The following MB21D2 variants were observed in gnomAD, a reference collection of about 807,000 sequenced individuals.
MB21D2 encodes Mab-21 domain containing 2.
In MB21D2, 9 loss-of-function variants were observed where a neutral mutation model predicts 33.3. The ratio of observed to expected loss-of-function variants is 0.27; its 90% CI spans 0.16 to 0.47. MB21D2 has a LOEUF of 0.47. MB21D2 is among the 20% of genes least tolerant of loss of function. The pLI, the probability that MB21D2 is intolerant of heterozygous loss-of-function variation, is 0.99. For synonymous variants in MB21D2, 241 were observed against 236.3 expected, an observed-to-expected ratio of 1.02 and a Z score of -0.18; for missense variants, 540 against 624.6, an observed-to-expected ratio of 0.86 and a Z score of 1.44.
chr3:192,815,411 T>C (rs1711899346), intron 1 of MB21D2, among the ~76,000 whole-genome samples: 1 of 152,186 alleles, frequency 6.6e-6, no homozygotes, highest in Non-Finnish European at 1.5e-5. Context: ...CAGGTTCCCA[T>C]GTCTCACCCC....
intron 1 of MB21D2, among the ~76,000 whole-genome samples, chr3:192,805,800 T>C (rs1318540414): frequency 1.3e-5 from 2 of 152,222 alleles, no homozygotes; most frequent in Non-Finnish European, 2.9e-5. Flanking sequence ...TGCTATGAAG[T>C]GTCTAAGCGC....
At chr3:192,852,554 G>T (rs1420211415) in intron 1 of MB21D2, among the ~76,000 whole-genome samples, 1 of 152,018 alleles carries the variant, frequency 6.6e-6, no homozygotes, top group Non-Finnish European at 1.5e-5. Context: ...CCTCAAACAA[G>T]GAAAACAGTC....
At chr3:192,815,486 T>C (rs2108614056) in intron 1 of MB21D2, among the ~76,000 whole-genome samples, 1 of 152,314 alleles carries the variant, frequency 6.6e-6, no homozygotes, top group East Asian at 1.9e-4. Context: ...CTTTTAAAAA[T>C]TGAGTCTGCC....
chr3:192,848,341 G>A (rs1358231224), intron 1 of MB21D2, among the ~76,000 whole-genome samples: 2 of 152,200 alleles, frequency 1.3e-5, no homozygotes, highest in East Asian at 3.8e-4. Context: ...GGGGAGGGAA[G>A]AAAGGAGTAC....
chr3:192,848,052 G>C (rs1393018747), intron 1 of MB21D2, among the ~76,000 whole-genome samples: 2 of 152,186 alleles, frequency 1.3e-5, no homozygotes, highest in South Asian at 2.1e-4. Flanking sequence ...TTTCGGCCAA[G>C]AAGTGTTCTT....
rs751495229 is a variant in MB21D2 at position 192,797,928 on chromosome 3, A to G, written c.*458T>C. 6.5e-6 allele frequency: 1 copy of G among 154,182 alleles called. No individual in the cohort carries two copies. Among genetic ancestry groups the G allele is most frequent in the Non-Finnish European group, 1.4e-5 (1 of 69,038 alleles). 9.6% of individuals were successfully genotyped at this position (154,182 alleles called of 1,614,324 possible). A position where few individuals can be genotyped will look rare whatever the true frequency, so the allele number is the denominator to read the frequency against. On this transcript the variant is annotated 3_prime_UTR_variant, in exon 2 of 2. Coordinates refer to ENST00000392452, the MANE Select transcript of MB21D2 (RefSeq NM_178496.4). ...AACATGCCAAGTAGTTCCCAGGTTC[A>G]TATGATTCTCAAATATCAGTAGTGG...
intron 1 of MB21D2, among the ~76,000 whole-genome samples, chr3:192,828,993 A>G (rs1712254727): frequency 6.6e-6 from 1 of 152,044 alleles, no homozygotes; most frequent in Non-Finnish European, 1.5e-5. Context: ...AGTTTGGCAA[A>G]GGTATAAAGT....
intron 1 of MB21D2, among the ~76,000 whole-genome samples, chr3:192,870,281 C>A (rs1713262832): frequency 6.6e-6 from 1 of 152,152 alleles, no homozygotes; most frequent in African/African-American, 2.4e-5. Flanking sequence ...CTCAGCTTCT[C>A]ATCTGTAAAA....
intron 1 of MB21D2, among the ~76,000 whole-genome samples, chr3:192,891,306 GCAGGCAGCC>G (rs1345109312): frequency 6.6e-6 from 1 of 152,174 alleles, no homozygotes; most frequent in East Asian, 1.9e-4. Flanking sequence ...AATTCAGACT[GCAGGCAGCC>G]GATTCATAAC....
At position 192,901,293 on chromosome 3, in the gene MB21D2, G is replaced by T. The variant is rs116835620; in HGVS notation, c.211+16337C>A. On this transcript the variant is annotated intron_variant, in intron 1 of 1. Coordinates refer to ENST00000392452, the MANE Select transcript of MB21D2 (RefSeq NM_178496.4). Reference sequence around the variant, plus strand: ...TCCTGTTGAGACTTTATTGCGGCCGGGAGCGGTGGCTCATGCCTTCAATCC... The same window carrying T: ...TCCTGTTGAGACTTTATTGCGGCCGTGAGCGGTGGCTCATGCCTTCAATCC... Among the ~76,000 whole-genome samples the T allele has an allele frequency of 4.7e-3, 708 of 151,682 alleles. 8 individuals are homozygous for T. The highest frequency in any genetic ancestry group is 0.016 in the African/African-American group (666 of 41,344).
intron 1 of MB21D2, among the ~76,000 whole-genome samples, chr3:192,908,734 A>T (rs904692606): frequency 1.2e-4 from 18 of 151,730 alleles, no homozygotes; most frequent in Non-Finnish European, 2.5e-4. Context: ...TCTTCTTCTC[A>T]AAGACATATA....
intron 1 of MB21D2, among the ~76,000 whole-genome samples, chr3:192,826,162 C>CT (rs34583613): frequency 2.0e-5 from 3 of 152,208 alleles, no homozygotes; most frequent in Non-Finnish European, 2.9e-5. Context: ...ACACTATGTG[C>CT]TTTTTTCTCC....
In MB21D2 at chr3:192,866,784, GA is replaced by G. The variant is rs1327637054; in HGVS notation, c.211+50845del. ...AGGTAAAAGATAACTTAGGAGAGAA[GA>G]AAGTTCCCATCTTTAGAAGAGGAGA... On this transcript the variant is annotated intron_variant, in intron 1 of 1. Coordinates refer to ENST00000392452, the MANE Select transcript of MB21D2 (RefSeq NM_178496.4). Among the ~76,000 whole-genome samples, 125 of 152,294 alleles carry G rather than the reference GA, an allele frequency of 8.2e-4. 3 individuals are homozygous for G. Among genetic ancestry groups the G allele is most frequent in the Non-Finnish European group, 3.4e-4 (23 of 68,018 alleles).
chr3:192,862,638 C>CA (rs1713073129), intron 1 of MB21D2, among the ~76,000 whole-genome samples: 1 of 152,116 alleles, frequency 6.6e-6, no homozygotes, highest in African/African-American at 2.4e-5. Context: ...CTGTGAGTAA[C>CA]AGAGTCTTTG....
At chr3:192,826,700 C>G (rs151210364) in intron 1 of MB21D2, among the ~76,000 whole-genome samples, 1 of 152,276 alleles carries the variant, frequency 6.6e-6, no homozygotes, top group African/African-American at 2.4e-5. Flanking sequence ...AGAATGCCCT[C>G]AGAGAGAATC....
intron 1 of MB21D2, among the ~76,000 whole-genome samples, chr3:192,875,470 G>C (rs1273840934): frequency 6.6e-6 from 1 of 152,090 alleles, no homozygotes; most frequent in Non-Finnish European, 1.5e-5. Context: ...AATTTTTCTT[G>C]TTGTTGTTGT....
At chr3:192,869,071 C>T (rs1713230455) in intron 1 of MB21D2, among the ~76,000 whole-genome samples, 1 of 152,054 alleles carries the variant, frequency 6.6e-6, no homozygotes, top group Non-Finnish European at 1.5e-5. Flanking sequence ...GCCTGGCCAA[C>T]ATGGTAAAAC....
At chr3:192,890,120 C>T (rs1200827963) in intron 1 of MB21D2, among the ~76,000 whole-genome samples, 1 of 152,062 alleles carries the variant, frequency 6.6e-6, no homozygotes, top group African/African-American at 2.4e-5. Flanking sequence ...TGACATCCTT[C>T]TGGTGTTTCT....
At position 192,798,580 on chromosome 3, in the gene MB21D2, G is replaced by A; in HGVS notation, c.1282C>T (p.Leu428Phe). Residue 428 changes from leucine (L) to phenylalanine (F), a missense_variant, in exon 2 of 2, where the codon CTC becomes TTC. Transcript: ENST00000392452. The surrounding 1 kb of genome is among the most constrained non-coding windows in gnomAD (Gnocchi z 4.8). ...CTGGTGGTGCTACCTCGCCTCTGGA[G>A]CTCCAGTGTCAGCCGGTTGGCTGCC... ...VKAANRLTLELQRRGSTTSIP... is the reference protein window; with the variant it reads ...VKAANRLTLEFQRRGSTTSIP... 1 of 1,614,164 alleles carries A rather than the reference G, an allele frequency of 6.2e-7. No homozygotes were observed. The highest frequency in any genetic ancestry group is 1.3e-5 in the African/African-American group (1 of 75,046).
Sources: allele counts gnomAD v4.1 joint callset (sites outside exome capture counted in the v4.1 genomes callset), GRCh38; gene constraint gnomAD v4.1.1; non-coding constraint Gnocchi (gnomAD v3.1); transcripts MANE v1.5; gene names NCBI Gene and HGNC (gene_info 2026-07-23, HGNC 2026-07-21).